DNAAF11: variants seen among roughly 807,000 people sequenced by gnomAD.
The protein encoded by DNAAF11 is leucine rich repeat containing 6.
In DNAAF11, 45 loss-of-function variants were observed where a neutral mutation model predicts 60.8. That is an observed-to-expected ratio of 0.74 (90% CI 0.58 to 0.95). The LOEUF (loss-of-function observed/expected upper bound fraction) is 0.95, where lower values mean the gene tolerates loss of function less well. DNAAF11 is among the 40% of genes least tolerant of loss of function. DNAAF11 has a pLI of 0.00. For synonymous variants in DNAAF11, 191 were observed against 183.5 expected (o/e 1.04, Z -0.33); for missense variants, 546 against 546.2 (o/e 1.00, Z 0.00).
At chr8:132,698,706 T>C in the DNAAF11 span, among the ~76,000 whole-genome samples, 1 of 151,952 alleles carries the variant, frequency 6.6e-6, no homozygotes, top group African/African-American at 2.4e-5. Context: ...GCTTCTGTTC[T>C]GGTGAAAAAA....
At chr8:132,693,521 T>A in the DNAAF11 span, among the ~76,000 whole-genome samples, 4 of 151,738 alleles carry the variant, frequency 2.6e-5, no homozygotes, top group Non-Finnish European at 5.9e-5. Flanking sequence ...GTTCTTGGTG[T>A]TGGAGATACA....
the DNAAF11 span, among the ~76,000 whole-genome samples, chr8:132,681,874 G>T: frequency 6.6e-6 from 1 of 152,126 alleles, no homozygotes; most frequent in Non-Finnish European, 1.5e-5. Flanking sequence ...CACCGTTGAG[G>T]GCTCAAGTAT....
intron 10 of DNAAF11, among the ~76,000 whole-genome samples, chr8:132,592,110 C>G (rs1816526556): frequency 6.6e-6 from 1 of 152,126 alleles, no homozygotes; most frequent in Non-Finnish European, 1.5e-5. Flanking sequence ...TGTATTCACT[C>G]AATTTCAATC....
the DNAAF11 span, among the ~76,000 whole-genome samples, chr8:132,700,837 G>A: frequency 1.3e-5 from 2 of 152,152 alleles, no homozygotes; most frequent in African/African-American, 4.8e-5. Context: ...CAAAGAAAAG[G>A]GTGTTATAGG....
chr8:132,664,527 G>A (rs1179068844), intron 1 of DNAAF11, among the ~76,000 whole-genome samples: 1 of 152,184 alleles, frequency 6.6e-6, no homozygotes, highest in Non-Finnish European at 1.5e-5. Flanking sequence ...CTGGAGTGCA[G>A]TGGCACGATT....
intron 2 of DNAAF11, among the ~76,000 whole-genome samples, chr8:132,659,589 C>T (rs1289315003): frequency 2.0e-5 from 3 of 152,118 alleles, no homozygotes; most frequent in Non-Finnish European, 2.9e-5. Context: ...TCTGTAATAG[C>T]CTTTTTAATT....
At chr8:132,614,679 G>T (rs868706500) in intron 8 of DNAAF11, among the ~76,000 whole-genome samples, 1 of 152,078 alleles carries the variant, frequency 6.6e-6, no homozygotes, top group Non-Finnish European at 1.5e-5. Context: ...GAGGGGAGCC[G>T]ATCACCTGAT....
chr8:132,597,343 C>T (rs909952811), intron 10 of DNAAF11, among the ~76,000 whole-genome samples: 1 of 152,018 alleles, frequency 6.6e-6, no homozygotes, highest in Non-Finnish European at 1.5e-5. Context: ...CTCCCTCATA[C>T]CTAGGAGCCT....
intron 10 of DNAAF11, among the ~76,000 whole-genome samples, chr8:132,587,065 C>G (rs182289565): frequency 6.6e-6 from 1 of 152,080 alleles, no homozygotes; most frequent in Non-Finnish European, 1.5e-5. Context: ...CTTTACATTG[C>G]AATACATGCA....
intron 1 of DNAAF11, among the ~76,000 whole-genome samples, chr8:132,670,310 A>G (rs1825060967): frequency 6.6e-6 from 1 of 152,180 alleles, no homozygotes; most frequent in South Asian, 2.1e-4. Context: ...GGAGTGAGAG[A>G]GGTAACATCA....
chr8:132,631,237 G>A (rs1262571326), intron 5 of DNAAF11, among the ~76,000 whole-genome samples: 1 of 152,142 alleles, frequency 6.6e-6, no homozygotes, highest in Non-Finnish European at 1.5e-5. Flanking sequence ...GGAAAACAAC[G>A]TGCATGGCCA....
At chr8:132,590,558 G>C (rs1816360395) in intron 10 of DNAAF11, among the ~76,000 whole-genome samples, 1 of 152,126 alleles carries the variant, frequency 6.6e-6, no homozygotes, top group Non-Finnish European at 1.5e-5. Context: ...TGATACTCAA[G>C]TGTTTCCTGA....
chr8:132,612,056 C>T (rs1818717733), intron 8 of DNAAF11, among the ~76,000 whole-genome samples: 3 of 152,136 alleles, frequency 2.0e-5, no homozygotes. Context: ...AATGTTAAGG[C>T]AGGTAAGCTA....
intron 2 of DNAAF11, among the ~76,000 whole-genome samples, chr8:132,660,414 C>T (rs948803337): frequency 1.3e-5 from 2 of 152,156 alleles, no homozygotes; most frequent in African/African-American, 2.4e-5. Flanking sequence ...AAGACTAAGA[C>T]TTGGGCAAGT....
intron 7 of DNAAF11, among the ~76,000 whole-genome samples, chr8:132,620,403 C>T (rs1275460390): frequency 2.6e-5 from 4 of 152,118 alleles, no homozygotes; most frequent in Non-Finnish European, 4.4e-5. Context: ...GGCGTGATCT[C>T]GGCTCACTGC....
At position 132,648,776 on chromosome 8, in the gene DNAAF11, T is replaced by A. The variant is rs995830209; in HGVS notation, c.256+8054A>T. Among the ~76,000 whole-genome samples the A allele has an allele frequency of 2.1e-4, 32 of 152,092 alleles. 1 individual carries two copies. Among genetic ancestry groups the A allele is most frequent in the African/African-American group, 7.7e-4 (32 of 41,442 alleles). On this transcript the variant is annotated intron_variant, in intron 3 of 11. Coordinates refer to ENST00000620350, the MANE Select transcript of DNAAF11 (RefSeq NM_012472.6). ...CCATTCACAATTGCTTCAAAGAGAA[T>A]AAAATACCTAGGAATCCAACTTACA...
At chr8:132,631,060 A>C (rs977589871) in intron 5 of DNAAF11, among the ~76,000 whole-genome samples, 10 of 152,232 alleles carry the variant, frequency 6.6e-5, no homozygotes, top group Non-Finnish European at 1.5e-4. Flanking sequence ...CAAGGAGACA[A>C]GGGCAACATT....
chr8:132,692,128 G>T, the DNAAF11 span, among the ~76,000 whole-genome samples: 1 of 151,354 alleles, frequency 6.6e-6, no homozygotes, highest in Non-Finnish European at 1.5e-5. Context: ...CAGTTTGGAG[G>T]CTAATGATAC....
chr8:132,615,148 A>G (rs748268973), intron 7 of DNAAF11, 51 bp from the exon 8 acceptor site: 1 of 1,042,594 alleles, frequency 9.6e-7, no homozygotes, highest in South Asian at 1.4e-5. Context: ...AGGATACTGT[A>G]TAGAAAACCC....
Sources: allele counts gnomAD v4.1 joint callset (sites outside exome capture counted in the v4.1 genomes callset), GRCh38; gene constraint gnomAD v4.1.1; transcripts MANE v1.5; gene names NCBI Gene and HGNC (gene_info 2026-07-23, HGNC 2026-07-21).